Variants in MCF2L2 observed in about 807,000 individuals in gnomAD.
MCF2L2 encodes the protein MCF.2 cell line derived transforming sequence-like 2, also known as probable guanine nucleotide exchange factor MCF2L2.
MCF2L2 carries 102 observed loss-of-function variants against 150.2 expected under a neutral mutation model. The ratio of observed to expected loss-of-function variants is 0.68; its 90% CI spans 0.58 to 0.80. The LOEUF is 0.80. MCF2L2 is among the 30% of genes least tolerant of loss of function. The pLI is 0.00. For missense variants in MCF2L2, 1,256 were observed against 1,372.8 expected, an observed-to-expected ratio of 0.91 and a Z score of 1.34; for synonymous variants, 465 against 491.3, an observed-to-expected ratio of 0.95 and a Z score of 0.71.
At chr3:183,244,016 C>T (rs1219690703) in intron 15 of MCF2L2, among the ~76,000 whole-genome samples, 2 of 151,898 alleles carry the variant, frequency 1.3e-5, no homozygotes, top group African/African-American at 2.4e-5. Context: ...CCCAGCTACT[C>T]GGGAGGCTGA....
At position 183,216,071 on chromosome 3, in the gene MCF2L2, A is replaced by C. The variant is rs1019835174; in HGVS notation, c.2394T>G (p.Asp798Glu). Residue 798 changes from aspartate to glutamate, a missense_variant, in exon 22 of 30, where the codon GAT becomes GAG. Asp to Glu is a conservative substitution (Grantham distance 45). Coordinates refer to ENST00000328913, the MANE Select transcript of MCF2L2 (RefSeq NM_015078.4). ...GTTGTAGTTCAGTTGAGAATGCTGA[A>C]TCTTTGGTTCTCTTTGGCCCATCCT... ...SAKDGPKRTK[D>E]SAFSTELQQA... The C allele has an allele frequency of 2.5e-6, 4 of 1,613,818 alleles. No individual in the cohort carries two copies. The South Asian group carries it at 4.4e-5, about 18-fold the overall frequency.
intron 15 of MCF2L2, among the ~76,000 whole-genome samples, chr3:183,243,000 CGCATAAGGCT>C (rs1441063918): frequency 6.6e-6 from 1 of 152,190 alleles, no homozygotes; most frequent in African/African-American, 2.4e-5. Context: ...ATTTCAGACT[CGCATAAGGCT>C]GATAGCCCCT....
rs1450712419 is a variant in MCF2L2 at position 183,338,875 on chromosome 3, T to C, written c.411A>G (p.Pro137=). 4.4e-6 allele frequency: 7 copies of C among 1,607,896 alleles called. No homozygotes were observed. In the African/African-American group the frequency reaches 9.4e-5, roughly 21 times the overall value. ...GNLQLIFILR[P]SRFIQRTFTD... Reference sequence around the variant, plus strand: ...TGAATGTCCTCTGGATAAAGCGAGATGGACGAAGGATGAATATGAGCTGTA... The same window carrying C: ...TGAATGTCCTCTGGATAAAGCGAGACGGACGAAGGATGAATATGAGCTGTA... The change falls in exon 5 of 30, where the codon CCA becomes CCG. Residue 137 remains proline (P), a synonymous_variant. Transcript: ENST00000328913.
At chr3:183,192,274 A>T (rs1250848692) in intron 27 of MCF2L2, among the ~76,000 whole-genome samples, 1 of 152,012 alleles carries the variant, frequency 6.6e-6, no homozygotes, top group East Asian at 1.9e-4. Flanking sequence ...GAGTAGCTAG[A>T]ATTACAGGTG....
chr3:183,404,725 T>C (rs1449188240), intron 1 of MCF2L2, among the ~76,000 whole-genome samples: 1 of 152,012 alleles, frequency 6.6e-6, no homozygotes, highest in Non-Finnish European at 1.5e-5. Context: ...TAGCCGGGCA[T>C]GGTGGTGGGC....
Position 183,219,916 on chromosome 3 carries a change from C to T in MCF2L2, c.2310G>A (p.Leu770=), listed in dbSNP as rs1389127130. The change falls in exon 21 of 30, where the codon CTG becomes CTA. Residue 770 remains leucine (L), a synonymous_variant. Coordinates refer to ENST00000328913, the MANE Select transcript of MCF2L2 (RefSeq NM_015078.4). The stretch of plus-strand genomic sequence containing the variant: ...CCATATCTTCAGGAGACTCGAAATC[C>T]AGCAGACCCTGCATTAACCCAAAAG... ...IKYQMLLKGL[L]DFESPEDMEI... The T allele has an allele frequency of 6.2e-7, 1 of 1,612,974 alleles. No individual in the cohort carries two copies. The highest frequency in any genetic ancestry group is 8.5e-7 in the Non-Finnish European group (1 of 1,179,218).
chr3:183,335,861 T>TA (rs1408450549), intron 5 of MCF2L2, among the ~76,000 whole-genome samples: 1 of 151,682 alleles, frequency 6.6e-6, no homozygotes, highest in Non-Finnish European at 1.5e-5. Context: ...ACCCCATCTC[T>TA]AAAATCAAAA....
At chr3:183,232,205 CTCCCAGCTGACA>C (rs1723590240) in intron 15 of MCF2L2, among the ~76,000 whole-genome samples, 1 of 152,144 alleles carries the variant, frequency 6.6e-6, no homozygotes, top group Non-Finnish European at 1.5e-5. Flanking sequence ...CTGAGAGTGG[CTCCCAGCTGACA>C]GGCAGCAAGG....
At chr3:183,411,484 CAAAGAA>C (rs956585205) in intron 1 of MCF2L2, among the ~76,000 whole-genome samples, 13 of 152,158 alleles carry the variant, frequency 8.5e-5, no homozygotes, top group African/African-American at 2.9e-4. Context: ...CCTCACCCTT[CAAAGAA>C]AAATTCCAAA....
At chr3:183,251,494 G>A (rs949504164) in intron 15 of MCF2L2, among the ~76,000 whole-genome samples, 2 of 152,020 alleles carry the variant, frequency 1.3e-5, no homozygotes, top group African/African-American at 2.4e-5. Context: ...TATCCCTGCC[G>A]AGTCTAACAT....
At chr3:183,397,285 T>C (rs538006387) in intron 1 of MCF2L2, among the ~76,000 whole-genome samples, 1 of 152,356 alleles carries the variant, frequency 6.6e-6, no homozygotes, top group African/African-American at 2.4e-5. Context: ...GCAGGTTCCG[T>C]GTCTGGCAAG....
At chr3:183,334,963 T>C (rs1442048513) in intron 5 of MCF2L2, among the ~76,000 whole-genome samples, 2 of 151,592 alleles carry the variant, frequency 1.3e-5, no homozygotes, top group South Asian at 4.2e-4. Flanking sequence ...AAAAATAGCC[T>C]GCATGGTGCA....
chr3:183,324,566 G>A (rs73070010), intron 5 of MCF2L2, among the ~76,000 whole-genome samples: 19,379 of 152,094 alleles, frequency 0.13, 1,311 homozygotes, highest in African/African-American at 0.14. Context: ...ACTTTGGAAT[G>A]AGAATATAAA....
intron 14 of MCF2L2, among the ~76,000 whole-genome samples, chr3:183,282,446 C>A (rs1577021355): frequency 6.6e-6 from 1 of 152,086 alleles, no homozygotes. Flanking sequence ...ACGCTATTGG[C>A]AATAGTTTGT....
Position 183,207,830 on chromosome 3 carries a change from G to T in MCF2L2, c.2497-7C>A, listed in dbSNP as rs1364093306. ...CTAGTTTTCCAATATCGTCCTTTTGGAAACACACATACAGGAAAAGAAGCT... is the reference window on the plus strand; with the variant it reads ...CTAGTTTTCCAATATCGTCCTTTTGTAAACACACATACAGGAAAAGAAGCT... On this transcript the variant is annotated splice_region_variant and splice_polypyrimidine_tract_variant and intron_variant, in intron 22 of 29. Coordinates refer to ENST00000328913, the MANE Select transcript of MCF2L2 (RefSeq NM_015078.4). The T allele has an allele frequency of 3.7e-6, 6 of 1,607,462 alleles. No homozygotes were observed. The highest frequency in any genetic ancestry group is 5.1e-6 in the Non-Finnish European group (6 of 1,174,178).
At chr3:183,218,255 C>T (rs1576931893) in intron 21 of MCF2L2, among the ~76,000 whole-genome samples, 1 of 152,234 alleles carries the variant, frequency 6.6e-6, no homozygotes, top group East Asian at 1.9e-4. Flanking sequence ...GGATTCGTAG[C>T]TTCTCATTCA....
chr3:183,323,187 C>T lies in MCF2L2; in HGVS notation c.603+48G>A, dbSNP rs764869568. On this transcript the variant is annotated intron_variant, in intron 6 of 29. Coordinates refer to ENST00000328913, the MANE Select transcript of MCF2L2 (RefSeq NM_015078.4). ...TCTTTAACTCCCCCACCCCATCTTCCAGAAAACAAGGAGAGACAGTGAAAA... is the reference window on the plus strand; with the variant it reads ...TCTTTAACTCCCCCACCCCATCTTCTAGAAAACAAGGAGAGACAGTGAAAA... The T allele has an allele frequency of 1.3e-4, 174 of 1,365,792 alleles. No homozygotes were observed. The Admixed American group carries it at 3.1e-3, about 24-fold the overall frequency. 84.6% of individuals were successfully genotyped at this position (1,365,792 alleles called of 1,614,324 possible). A position where few individuals can be genotyped will look rare whatever the true frequency, so the allele number is the denominator to read the frequency against.
At chr3:183,182,427 AC>A (rs1172458664) in intron 27 of MCF2L2, 1 of 152,050 alleles carries the variant, frequency 6.6e-6, no homozygotes, top group Non-Finnish European at 1.5e-5. Context: ...TGCAAATTTT[AC>A]CCCCTAACAC....
chr3:183,337,552 C>CAAAAAAAAAAAAAAAA (rs61184812), intron 5 of MCF2L2, among the ~76,000 whole-genome samples: 2 of 71,996 alleles, frequency 2.8e-5, no homozygotes, highest in African/African-American at 9.0e-5. Context: ...GACTCCATCT[C>CAAAAAAAAAAAAAAAA]AAAAAAAAAA....
Sources: allele counts gnomAD v4.1 joint callset (sites outside exome capture counted in the v4.1 genomes callset), GRCh38; gene constraint gnomAD v4.1.1; transcripts MANE v1.5; gene names NCBI Gene and HGNC (gene_info 2026-07-23, HGNC 2026-07-21).